The following ERO1A variants were observed in gnomAD, a reference collection of about 807,000 sequenced individuals.
ERO1A encodes ERO1-like protein alpha.
Under a neutral mutation model 76.9 loss-of-function variants are expected in ERO1A, and 49 were observed. The observed-to-expected ratio is 0.64, with a 90% CI of 0.51 to 0.81. ERO1A has a LOEUF of 0.81. Ranked by LOEUF, ERO1A falls within the 30% of genes least tolerant of loss-of-function variation. ERO1A has a pLI of 0.00. For missense variants in ERO1A, 448 were observed against 542.1 expected, an observed-to-expected ratio of 0.83 and a Z score of 1.72; for synonymous variants, 174 against 181.2, an observed-to-expected ratio of 0.96 and a Z score of 0.32.
chr14:52,651,901 C>T (rs1278679254), intron 13 of ERO1A, among the ~76,000 whole-genome samples: 2 of 151,984 alleles, frequency 1.3e-5, no homozygotes, highest in African/African-American at 2.4e-5. Context: ...TTCTCCCTAA[C>T]TGAAACTTTG....
intron 1 of ERO1A, among the ~76,000 whole-genome samples, chr14:52,692,499 A>G (rs2041386155): frequency 1.3e-5 from 2 of 152,198 alleles, no homozygotes; most frequent in East Asian, 3.8e-4. Flanking sequence ...AAAACAATCA[A>G]CGGGACTGTG....
chr14:52,681,827 A>C (rs1359211383), intron 3 of ERO1A, among the ~76,000 whole-genome samples: 2 of 152,150 alleles, frequency 1.3e-5, no homozygotes, highest in Non-Finnish European at 2.9e-5. Context: ...AATTTTGTTT[A>C]TACTTCGATT....
chr14:52,658,022 A>G lies in ERO1A; in HGVS notation c.716-13T>C. 1 of 1,578,140 alleles carries G rather than the reference A, an allele frequency of 6.3e-7. No homozygotes were observed. The highest frequency in any genetic ancestry group is 8.7e-7 in the Non-Finnish European group (1 of 1,152,582). On this transcript the variant is annotated splice_polypyrimidine_tract_variant and intron_variant, in intron 10 of 15. Coordinates refer to ENST00000395686, the MANE Select transcript of ERO1A (RefSeq NM_014584.3). ...TCTACACAGAGACCTAAGAAAAAGC[A>G]GTGACTTAGAAATAAAATTTCATAT...
At chr14:52,672,557 C>T (rs563003997) in intron 4 of ERO1A, among the ~76,000 whole-genome samples, 1 of 151,854 alleles carries the variant, frequency 6.6e-6, no homozygotes, top group Admixed American at 6.6e-5. Context: ...TTGCTTGAGG[C>T]CTGGAATTAA....
Position 52,683,750 on chromosome 14 carries a change from T to G in ERO1A, c.234+38A>C, listed in dbSNP as rs997715112. 3.3e-6 allele frequency: 3 copies of G among 904,594 alleles called. No homozygotes were observed. The African/African-American group carries it at 5.1e-5, about 15-fold the overall frequency. 56.0% of individuals were successfully genotyped at this position (904,594 alleles called of 1,614,324 possible). A position where few individuals can be genotyped will look rare whatever the true frequency, so the allele number is the denominator to read the frequency against. On this transcript the variant is annotated intron_variant, in intron 2 of 15. Coordinates refer to ENST00000395686, the MANE Select transcript of ERO1A (RefSeq NM_014584.3). ...TCTTAAGAAAATCTAATTATCCATT[T>G]AAAGTATTCATATATAAAAAATTAA...
chr14:52,680,097 A>C (rs2040942573), intron 3 of ERO1A, among the ~76,000 whole-genome samples: 6 of 151,688 alleles, frequency 4.0e-5, no homozygotes, highest in South Asian at 2.1e-4. Context: ...AAAAAAAAAA[A>C]AAAAAACAAA....
rs369618647 is a variant in ERO1A, at chr14:52,668,090, A to C, written c.509-1595T>G. 8.9e-4 allele frequency among the ~76,000 whole-genome samples: 136 copies of C among 152,330 alleles called. 3 individuals are homozygous for C. In the South Asian group the frequency reaches 0.014, roughly 16 times the overall value. On this transcript the variant is annotated intron_variant, in intron 6 of 15. Coordinates refer to ENST00000395686, the MANE Select transcript of ERO1A (RefSeq NM_014584.3). ...TAGCAGAGTTCAATGCAGAAGTGGC[A>C]ATTAAAATAACTAGAAAAACAAAAT... is the stretch of plus-strand genomic sequence containing the variant.
chr14:52,643,963 C>G (rs937115367), intron 15 of ERO1A, among the ~76,000 whole-genome samples: 14 of 151,952 alleles, frequency 9.2e-5, no homozygotes, highest in African/African-American at 3.4e-4. Context: ...CACAGGGAGA[C>G]CTGGTCTCTA....
chr14:52,686,869 C>T (rs891175148), intron 1 of ERO1A, among the ~76,000 whole-genome samples: 10 of 148,114 alleles, frequency 6.8e-5, no homozygotes, highest in Non-Finnish European at 1.5e-4. Context: ...AGCGAGACTC[C>T]ATCTCAAAAA....
At position 52,678,439 on chromosome 14, in the gene ERO1A, A is replaced by G. The variant is rs756501212; in HGVS notation, c.352T>C (p.Tyr118His). 6.2e-7 allele frequency: 1 copy of G among 1,612,946 alleles called. No individual in the cohort carries two copies. Among genetic ancestry groups the G allele is most frequent in the Non-Finnish European group, 8.5e-7 (1 of 1,179,262 alleles). ...EVPDGIKSAS[Y>H]KYSEEANNLI... ...CAATAGGTATACGTACACACCTTGTAGCTCGCAGATTTAATTCCATCAGGA... is the reference window on the plus strand; with the variant it reads ...CAATAGGTATACGTACACACCTTGTGGCTCGCAGATTTAATTCCATCAGGA... The change falls in exon 4 of 16, where the codon TAC becomes CAC. Residue 118 changes from tyrosine to histidine, a missense_variant. This residue lies in a region of ERO1A where 302 missense variants were observed against 411.9 expected (regional missense o/e 0.73). Coordinates refer to ENST00000395686, the MANE Select transcript of ERO1A (RefSeq NM_014584.3).
rs1464436482 is a variant in ERO1A, at chr14:52,683,806, G to A, written c.216C>T (p.Asp72=). 1.3e-6 allele frequency: 2 copies of A among 1,491,376 alleles called. No homozygotes were observed. Among genetic ancestry groups the A allele is most frequent in the South Asian group, 1.3e-5 (1 of 78,924 alleles). The allele number at this position is 1,491,376 out of a possible 1,614,324, so 92.4% of individuals were successfully genotyped here. A position where few individuals can be genotyped will look rare whatever the true frequency, so the allele number is the denominator to read the frequency against. The part of the protein sequence containing the change: ...FPRLQKLLES[D]YFRYYKVNLK... Reference sequence around the variant, plus strand: ...AAAATACCTTGTAATACCTAAAGTAGTCACTTTCAAGAAGTTTTTGTAGTC... The same window carrying A: ...AAAATACCTTGTAATACCTAAAGTAATCACTTTCAAGAAGTTTTTGTAGTC... Residue 72 remains aspartate, a synonymous_variant, in exon 2 of 16, where the codon GAC becomes GAT. Transcript: ENST00000395686.
chr14:52,649,272 A>G (rs1448151075), intron 13 of ERO1A, among the ~76,000 whole-genome samples: 1 of 152,226 alleles, frequency 6.6e-6, no homozygotes, highest in Non-Finnish European at 1.5e-5. Context: ...ATCGTATTCT[A>G]TTTGAATTGA....
chr14:52,652,031 G>C (rs994474546), intron 13 of ERO1A, among the ~76,000 whole-genome samples: 1 of 141,332 alleles, frequency 7.1e-6, no homozygotes, highest in Middle Eastern at 3.8e-3. Context: ...GGTTTCACAC[G>C]ATGTTGCCCA....
At position 52,646,240 on chromosome 14, in the gene ERO1A, C is replaced by A. The variant is rs2039649558; in HGVS notation, c.1260G>T (p.Leu420Phe). 6.2e-7 allele frequency: 1 copy of A among 1,613,724 alleles called. No individual in the cohort carries two copies. Among genetic ancestry groups the A allele is most frequent in the African/African-American group, 1.3e-5 (1 of 74,864 alleles). The change falls in exon 15 of 16, where the codon TTG becomes TTT. Residue 420 changes from leucine to phenylalanine, a missense_variant. Leu to Phe is a conservative substitution (Grantham distance 22). Coordinates refer to ENST00000395686, the MANE Select transcript of ERO1A (RefSeq NM_014584.3). ...TALKILFSEK[L>F]IANMPESGPS... is the part of the protein sequence containing the mutation. ...GTCCACTTTCTGGCATATTTGCTAT[C>A]AATTTCTCAGAAAATAAGATCTTCA...
intron 13 of ERO1A, among the ~76,000 whole-genome samples, chr14:52,650,665 A>G (rs913231316): frequency 2.6e-5 from 4 of 152,184 alleles, no homozygotes; most frequent in Non-Finnish European, 5.9e-5. Context: ...TTACCAGTGG[A>G]ACTTTGTAAG....
At chr14:52,651,854 A>G (rs765244919) in intron 13 of ERO1A, among the ~76,000 whole-genome samples, 13 of 152,242 alleles carry the variant, frequency 8.5e-5, no homozygotes, top group Non-Finnish European at 1.8e-4. Context: ...CATTATTACC[A>G]TAGTTACCAT....
At chr14:52,657,483 A>G (rs925132051) in intron 11 of ERO1A, among the ~76,000 whole-genome samples, 6 of 152,214 alleles carry the variant, frequency 3.9e-5, no homozygotes, top group Admixed American at 2.6e-4. Flanking sequence ...TATGGTACTG[A>G]TGAAAATCAA....
At chr14:52,661,407 A>C (rs2040229548) in intron 8 of ERO1A, 103 bp from the exon 9 acceptor site, 2 of 863,254 alleles carry the variant, frequency 2.3e-6, no homozygotes, top group Non-Finnish European at 3.4e-6. Context: ...GGTTAGTTTT[A>C]GTCCAACAGT....
intron 13 of ERO1A, among the ~76,000 whole-genome samples, chr14:52,649,569 C>T (rs1234357096): frequency 1.3e-5 from 2 of 151,454 alleles, no homozygotes; most frequent in Admixed American, 6.6e-5. Context: ...CAAATTAAAA[C>T]ATTGTGAGAA....
Sources: gnomAD v4.1 joint callset for allele counts (sites outside exome capture counted in the v4.1 genomes callset) on GRCh38, gnomAD v4.1.1 for gene constraint, gnomAD v4.1.1 regional missense constraint, MANE v1.5 for transcripts, NCBI Gene and HGNC (gene_info 2026-07-23, HGNC 2026-07-21) for gene names.